Variants in CFAP52 observed in about 807,000 individuals in gnomAD.
CFAP52 encodes cilia and flagella associated protein 52.
In CFAP52, 57 loss-of-function variants were observed where a neutral mutation model predicts 70.5. That is an observed-to-expected ratio of 0.81 (90% CI 0.65 to 1.01). The LOEUF (loss-of-function observed/expected upper bound fraction) is 1.01, where lower values mean the gene tolerates loss of function less well. CFAP52 is among the 50% of genes least tolerant of loss of function. The pLI is 0.00. For missense variants in CFAP52, 785 were observed against 788.5 expected (o/e 1.00, Z 0.05); for synonymous variants, 267 against 292.5 (o/e 0.91, Z 0.89).
intron 8 of CFAP52, among the ~76,000 whole-genome samples, chr17:9,612,758 C>T (rs1366990258): frequency 6.6e-6 from 1 of 152,108 alleles, no homozygotes; most frequent in Admixed American, 6.6e-5. Flanking sequence ...TTTTCTTAAT[C>T]CCATCCAGAG....
rs746542649 is a variant in CFAP52, at chr17:9,598,215, G to T, written c.537-19G>T. 72 of 1,231,708 alleles carry T rather than the reference G, an allele frequency of 5.8e-5. No homozygotes were observed. Among genetic ancestry groups the T allele is most frequent in the African/African-American group, 2.3e-4 (15 of 66,610 alleles). 76.3% of individuals were successfully genotyped at this position (1,231,708 alleles called of 1,614,324 possible). A position where few individuals can be genotyped will look rare whatever the true frequency, so the allele number is the denominator to read the frequency against. On this transcript the variant is annotated intron_variant, in intron 4 of 13. Transcript: ENST00000352665. ...GGTGTCCATTTGATTGTGGTTTTTT[G>T]TTTTTTTTTTTTACATAGTGGGACA...
In CFAP52 at chr17:9,631,037, AG is replaced by A. The variant is rs1272261883; in HGVS notation, c.1175-1850del. ...AAGAAAGAAAGAAAGAAAGAGAGAG[AG>A]AGAGAGAGAGAGAGAGAAAGAAAGA... On this transcript the variant is annotated intron_variant, in intron 9 of 13. Transcript: ENST00000352665. Among the ~76,000 whole-genome samples the A allele has an allele frequency of 1.0e-3, 82 of 79,502 alleles. 5 individuals carry two copies. The highest frequency in any genetic ancestry group is 4.7e-3 in the African/African-American group (79 of 16,930). The allele number at this position is 79,502 out of a possible 152,430, so 52.2% of individuals were successfully genotyped here.
At chr17:9,585,391 G>C (rs752026624) in intron 1 of CFAP52, among the ~76,000 whole-genome samples, 1 of 152,028 alleles carries the variant, frequency 6.6e-6, no homozygotes, top group Non-Finnish European at 1.5e-5. Context: ...AGTGTTGGCC[G>C]GGCGCGGTGG....
chr17:9,630,426 AT>A (rs560084144), intron 9 of CFAP52, among the ~76,000 whole-genome samples: 4,129 of 127,776 alleles, frequency 0.032, 160 homozygotes, highest in African/African-American at 0.096. Context: ...AATTTTTGTA[AT>A]TTTTTTTTTT....
chr17:9,607,959 A>G (rs1909561415), intron 6 of CFAP52, among the ~76,000 whole-genome samples, 160 bp from the exon 7 acceptor site: 2 of 152,092 alleles, frequency 1.3e-5, no homozygotes, highest in South Asian at 2.1e-4. Context: ...TCTTTAATTC[A>G]TCTTTCATTC....
chr17:9,596,029 A>C (rs1908984920), intron 4 of CFAP52, among the ~76,000 whole-genome samples: 1 of 141,770 alleles, frequency 7.1e-6, no homozygotes, highest in Non-Finnish European at 1.5e-5. Flanking sequence ...ATAGTTACAT[A>C]TGTATATGTA....
downstream of CFAP52, among the ~76,000 whole-genome samples, chr17:9,644,010 G>A (rs553798197): frequency 2.6e-5 from 4 of 152,282 alleles, no homozygotes; most frequent in African/African-American, 9.6e-5. Context: ...TCACAGTACC[G>A]TCTGATGTTT....
downstream of CFAP52, chr17:9,645,480 TGCCCCGCCCTTG>T: frequency 1.4e-6 from 1 of 697,654 alleles, no homozygotes; most frequent in Non-Finnish European, 1.9e-6. This position sits in a 1 kb window ranked among gnomAD's most constrained non-coding sequence, Gnocchi z 6.8. Context: ...GGGGCGGGGC[TGCCCCGCCCTTG>T]GCTCCGCCTC....
At chr17:9,624,125 C>T (rs919589408) in intron 8 of CFAP52, among the ~76,000 whole-genome samples, 3 of 151,966 alleles carry the variant, frequency 2.0e-5, no homozygotes, top group African/African-American at 7.2e-5. Context: ...TTGCTTTTGT[C>T]TTTCATCAGT....
chr17:9,593,473 C>T (rs187597736), intron 3 of CFAP52, among the ~76,000 whole-genome samples: 15 of 152,160 alleles, frequency 9.9e-5, no homozygotes, highest in African/African-American at 3.1e-4. Context: ...TTTTTGTTTT[C>T]GAGACGCAGT....
At chr17:9,590,251 T>C (rs1467392908) in intron 3 of CFAP52, 1 of 189,404 alleles carries the variant, frequency 5.3e-6, no homozygotes, top group Non-Finnish European at 1.2e-5. Context: ...GGCTTACCTA[T>C]GCCCATGTGC....
chr17:9,637,532 T>G (rs1910865927), intron 11 of CFAP52, among the ~76,000 whole-genome samples: 2 of 152,192 alleles, frequency 1.3e-5, no homozygotes, highest in South Asian at 4.1e-4. Flanking sequence ...GATATTTACA[T>G]ATTTCTTGGT....
In CFAP52 at chr17:9,600,000, C is replaced by G. The variant is rs546899887; in HGVS notation, c.637-67C>G. 2.6e-5 allele frequency: 37 copies of G among 1,408,512 alleles called. No homozygotes were observed. The African/African-American group carries it at 4.4e-4, about 17-fold the overall frequency. 87.3% of individuals were successfully genotyped at this position (1,408,512 alleles called of 1,614,324 possible). ...AGGTGATCCACCCGCCTCGGCCTCC[C>G]AAAGTGCTGATATTACAGGCGTGAG... On this transcript the variant is annotated intron_variant, in intron 5 of 13. Coordinates refer to ENST00000352665, the MANE Select transcript of CFAP52 (RefSeq NM_145054.5).
chr17:9,592,147 T>C (rs557416753), intron 3 of CFAP52, among the ~76,000 whole-genome samples: 1 of 151,952 alleles, frequency 6.6e-6, no homozygotes, highest in South Asian at 2.1e-4. Flanking sequence ...AATTTTAGAA[T>C]GTTTTCAACA....
chr17:9,611,287 AG>A (rs771101957), intron 7 of CFAP52, among the ~76,000 whole-genome samples: 15 of 152,144 alleles, frequency 9.9e-5, no homozygotes, highest in Non-Finnish European at 2.2e-4. Context: ...GGGAAGAGGG[AG>A]AAATCTGAAA....
rs1908443992 is a variant in CFAP52, at chr17:9,585,861, T to C, written c.159T>C (p.Asn53=). 1.2e-6 allele frequency: 2 copies of C among 1,614,050 alleles called. No individual in the cohort carries two copies. The highest frequency in any genetic ancestry group is 1.7e-6 in the Non-Finnish European group (2 of 1,180,022). Reference sequence around the variant, plus strand: ...GCACAGTCCTCATTCAGGCAATAAATACTAAAGAGCAGAACTTCCTACAGG... The same window carrying C: ...GCACAGTCCTCATTCAGGCAATAAACACTAAAGAGCAGAACTTCCTACAGG... ...LGCTVLIQAI[N]TKEQNFLQGH... The change falls in exon 2 of 14, where the codon AAT becomes AAC. Residue 53 remains asparagine (N), a synonymous_variant. Coordinates refer to ENST00000352665, the MANE Select transcript of CFAP52 (RefSeq NM_145054.5).
chr17:9,640,928 G>A (rs1407728176), intron 12 of CFAP52, among the ~76,000 whole-genome samples: 1 of 152,222 alleles, frequency 6.6e-6, no homozygotes, highest in East Asian at 1.9e-4. Context: ...ATAGGTGTGA[G>A]CCGCTGCACC....
rs781103649 is a variant in CFAP52, at chr17:9,632,971, G to A, written c.1258G>A (p.Val420Ile). 9.3e-6 allele frequency: 15 copies of A among 1,614,070 alleles called. No individual in the cohort carries two copies. The highest frequency in any genetic ancestry group is 4.4e-5 in the South Asian group (4 of 91,080). Residue 420 changes from valine (V) to isoleucine (I), a missense_variant, in exon 10 of 14, where the codon GTC becomes ATC. By Grantham distance (29) the Val-to-Ile change is conservative. Coordinates refer to ENST00000352665, the MANE Select transcript of CFAP52 (RefSeq NM_145054.5). ...CATTAACAATGCTCACAGGATCGGC[G>A]TCACCGCCATCGCCACCACCAGTGA... ...YVINNAHRIGVTAIATTSDCK... is the reference protein window; with the variant it reads ...YVINNAHRIGITAIATTSDCK...
chr17:9,638,157 G>A (rs764934553), intron 11 of CFAP52, among the ~76,000 whole-genome samples: 2 of 152,178 alleles, frequency 1.3e-5, no homozygotes, highest in African/African-American at 2.4e-5. Flanking sequence ...AAGATACATC[G>A]ATGATTAAAA....
Sources: allele counts gnomAD v4.1 joint callset (sites outside exome capture counted in the v4.1 genomes callset), GRCh38; gene constraint gnomAD v4.1.1; non-coding constraint Gnocchi (gnomAD v3.1); transcripts MANE v1.5; gene names NCBI Gene and HGNC (gene_info 2026-07-23, HGNC 2026-07-21).